MTERF1: variants seen among roughly 807,000 people sequenced by gnomAD.
The protein encoded by MTERF1 is transcription termination factor 1, mitochondrial.
Under a neutral mutation model 31.6 loss-of-function variants are expected in MTERF1, and 29 were observed. The ratio of observed to expected loss-of-function variants is 0.92; its 90% confidence interval spans 0.68 to 1.25. MTERF1 has a LOEUF of 1.25. Ranked by LOEUF, MTERF1 falls within the 50% of genes most tolerant of loss-of-function variation. MTERF1 has a pLI of 0.00. For synonymous variants in MTERF1, 152 were observed against 164.1 expected (o/e 0.93, Z 0.57); for missense variants, 500 against 469.1 (o/e 1.07, Z -0.61).
chr7:91,875,135 C>A (rs531563230), intron 2 of MTERF1, among the ~76,000 whole-genome samples: 10 of 152,186 alleles, frequency 6.6e-5, no homozygotes, highest in African/African-American at 2.4e-4. Context: ...AGGTGGGGCA[C>A]CATTAGTGCC....
rs939732032 is a variant in MTERF1, at chr7:91,871,073, G to C, written c.*2521C>G. 1 of 151,746 alleles carries C rather than the reference G, an allele frequency of 6.6e-6. No individual in the cohort carries two copies. Among genetic ancestry groups the C allele is most frequent in the African/African-American group, 2.4e-5 (1 of 41,274 alleles). The allele number at this position is 151,746 out of a possible 1,614,324, so 9.4% of individuals were successfully genotyped here. ...GGCGTGAGCTGGGATTACATGGCTG[G>C]CCAATATTTCTATAATTCTATCTTT... On this transcript the variant is annotated 3_prime_UTR_variant, in exon 3 of 3. Transcript: ENST00000351870.
At chr7:91,875,639 T>C (rs888677631) in intron 2 of MTERF1, among the ~76,000 whole-genome samples, 1 of 152,180 alleles carries the variant, frequency 6.6e-6, no homozygotes. Flanking sequence ...CCATAGATAC[T>C]AGATTTCTTT....
chr7:91,880,147 A>C, intron 1 of MTERF1, 34 bp from the exon 2 acceptor site: 5 of 1,574,688 alleles, frequency 3.2e-6, no homozygotes, highest in Non-Finnish European at 4.3e-6. Flanking sequence ...AAAAAAGGCA[A>C]AATATTTCAG....
In MTERF1 at chr7:91,874,671, C is replaced by T. The variant is rs199551651; in HGVS notation, c.123G>A (p.Met41Ile). Residue 41 changes from methionine to isoleucine, a missense_variant, in exon 3 of 3, where the codon ATG (methionine) becomes ATA (isoleucine). Met to Ile is a conservative substitution (Grantham distance 10). Transcript: ENST00000351870. ...NNFLFGSRCW[M>I]TRFSAENIFK... The stretch of plus-strand genomic sequence containing the variant: ...AGATGTTTTCTGCTGAAAATCGAGT[C>T]ATCCAACATCTTGAACCAAAGAGAA... The T allele has an allele frequency of 1.5e-5, 24 of 1,614,086 alleles. No individual in the cohort carries two copies. In the East Asian group the frequency reaches 5.3e-4, roughly 36 times the overall value.
At chr7:91,877,073 A>AT (rs1491224226) in intron 2 of MTERF1, 1 of 250,266 alleles carries the variant, frequency 4.0e-6, no homozygotes, top group East Asian at 1.8e-4. Flanking sequence ...TTCTTTCTAC[A>AT]TATGTTTTAT....
chr7:91,873,433 T>TA lies in MTERF1; in HGVS notation c.*160dup, dbSNP rs896850263. 3.8e-5 allele frequency: 25 copies of TA among 655,528 alleles called. No individual in the cohort carries two copies. The highest frequency in any genetic ancestry group is 9.7e-5 in the Admixed American group (3 of 30,780). 40.6% of individuals were successfully genotyped at this position (655,528 alleles called of 1,614,324 possible). The stretch of plus-strand genomic sequence containing the variant: ...CTCTTTTGCCTCCCTCTTCAACTTT[T>TA]AAAGATCCCTACAATTATATTAGGC... On this transcript the variant is annotated 3_prime_UTR_variant, in exon 3 of 3. Transcript: ENST00000351870.
chr7:91,877,627 T>G (rs1309921207), intron 2 of MTERF1, among the ~76,000 whole-genome samples: 1 of 152,234 alleles, frequency 6.6e-6, no homozygotes, highest in Non-Finnish European at 1.5e-5. Flanking sequence ...AAATCCAACC[T>G]CGCTACTCTT....
At chr7:91,875,895 A>G (rs182972507) in intron 2 of MTERF1, among the ~76,000 whole-genome samples, 1 of 152,302 alleles carries the variant, frequency 6.6e-6, no homozygotes, top group East Asian at 1.9e-4. Flanking sequence ...ACCAATTTTC[A>G]TCTTCAAAAT....
At position 91,873,535 on chromosome 7, in the gene MTERF1, T is replaced by G. The variant is rs567256116; in HGVS notation, c.*59A>C. The stretch of plus-strand genomic sequence containing the variant: ...TTTAAATTAATCACTTCTGCAAAAT[T>G]CTTTTGCAATGTGGCATAACATATT... On this transcript the variant is annotated 3_prime_UTR_variant, in exon 3 of 3. Transcript: ENST00000351870. The G allele has an allele frequency of 4.2e-5, 59 of 1,393,238 alleles. 1 individual carries two copies. The South Asian group carries it at 8.3e-4, about 20-fold the overall frequency. 86.3% of individuals were successfully genotyped at this position (1,393,238 alleles called of 1,614,324 possible).
Position 91,874,335 on chromosome 7 carries a change from G to T in MTERF1, c.459C>A (p.Asp153Glu), listed in dbSNP as rs751113049. ...WDLWRKIVTS[D>E]LEIVNILERS... ...GTTCCAAAATATTTACAATTTCAAG[G>T]TCTGATGTCACAATCTTTCTCCACA... The change falls in exon 3 of 3, where the codon GAC (aspartate) becomes GAA (glutamate). Residue 153 changes from aspartate (D) to glutamate (E), a missense_variant. Asp to Glu is a conservative substitution (Grantham distance 45). Transcript: ENST00000351870. 1 of 1,614,070 alleles carries T rather than the reference G, an allele frequency of 6.2e-7. No individual in the cohort carries two copies. Among genetic ancestry groups the T allele is most frequent in the South Asian group, 1.1e-5 (1 of 91,076 alleles).
At position 91,874,225 on chromosome 7, in the gene MTERF1, C is replaced by T. The variant is rs758097628; in HGVS notation, c.569G>A (p.Arg190His). 1.2e-5 allele frequency: 20 copies of T among 1,614,120 alleles called. No homozygotes were observed. The highest frequency in any genetic ancestry group is 8.9e-5 in the East Asian group (4 of 44,882). ...GGTCAACAATCGACAAAGGCATTTA[C>T]GGGTCAATCCAACTGAGTAGAGGAA... Reference protein sequence around the residue: ...IKFLYSVGLTRKCLCRLLTNA... With the variant: ...IKFLYSVGLTHKCLCRLLTNA... The change falls in exon 3 of 3, where the codon CGT (arginine) becomes CAT (histidine). Residue 190 changes from arginine to histidine, a missense_variant. Arg to His is a conservative substitution (Grantham distance 29, BLOSUM62 0). Transcript: ENST00000351870.
intron 2 of MTERF1, among the ~76,000 whole-genome samples, chr7:91,875,858 C>T (rs1789333558): frequency 6.6e-6 from 1 of 152,188 alleles, no homozygotes. Context: ...CCCTATCATT[C>T]CCTACGTTGT....
Position 91,871,449 on chromosome 7 carries a change from A to AATCAATACTTT in MTERF1, c.*2134_*2144dup, listed in dbSNP as rs1789184069. The AATCAATACTTT allele has an allele frequency of 6.6e-6, 1 of 152,238 alleles. No homozygotes were observed. The highest frequency in any genetic ancestry group is 2.4e-5 in the African/African-American group (1 of 41,462). The allele number at this position is 152,238 out of a possible 1,614,324, so 9.4% of individuals were successfully genotyped here. ...CGCGTACAATTCAGAAGACTTAAGAAATCAATACTTTAAGCCATAACAGTA... is the reference window on the plus strand; with the variant it reads ...CGCGTACAATTCAGAAGACTTAAGAAATCAATACTTTATCAATACTTTAAGCCATAACAGTA... On this transcript the variant is annotated 3_prime_UTR_variant, in exon 3 of 3. Coordinates refer to ENST00000351870, the MANE Select transcript of MTERF1 (RefSeq NM_006980.5).
In MTERF1 at chr7:91,871,123, T is replaced by C. The variant is rs1028802681; in HGVS notation, c.*2471A>G. ...TAAAAAAAAAGAATTGACTCTCCCT[T>C]GATCAGACTCAAACCTTAAAGTATG... is the stretch of plus-strand genomic sequence containing the variant. On this transcript the variant is annotated 3_prime_UTR_variant, in exon 3 of 3. Transcript: ENST00000351870. 4.6e-5 allele frequency: 7 copies of C among 152,148 alleles called. No homozygotes were observed. Among genetic ancestry groups the C allele is most frequent in the African/African-American group, 1.7e-4 (7 of 41,438 alleles). The allele number at this position is 152,148 out of a possible 1,614,324, so 9.4% of individuals were successfully genotyped here. A position where few individuals can be genotyped will look rare whatever the true frequency, so the allele number is the denominator to read the frequency against.
At chr7:91,879,418 G>A (rs920820671) in intron 2 of MTERF1, among the ~76,000 whole-genome samples, 3 of 151,934 alleles carry the variant, frequency 2.0e-5, no homozygotes, top group Non-Finnish European at 2.9e-5. Flanking sequence ...TATACAGAGG[G>A]GGAAAGTGGA....
At chr7:91,878,255 A>C (rs1383312737) in intron 2 of MTERF1, among the ~76,000 whole-genome samples, 1 of 152,212 alleles carries the variant, frequency 6.6e-6, no homozygotes, top group African/African-American at 2.4e-5. Context: ...CAATAAATTT[A>C]CTCTAAAAAT....
At position 91,880,042 on chromosome 7, in the gene MTERF1, A is replaced by G; in HGVS notation, c.29+13T>C. 1 of 1,613,942 alleles carries G rather than the reference A, an allele frequency of 6.2e-7. No individual in the cohort carries two copies. The highest frequency in any genetic ancestry group is 1.1e-5 in the South Asian group (1 of 91,042). On this transcript the variant is annotated intron_variant, in intron 2 of 2. Transcript: ENST00000351870. ...GCAAGCTAAGTTTGGAGATCTTTAC[A>G]TGCATTTCTCACCTTGTTTGTCCTA... is the stretch of plus-strand genomic sequence containing the variant.
rs571237478 is a variant in MTERF1, at chr7:91,872,646, A to C, written c.*948T>G. 2 of 152,348 alleles carry C rather than the reference A, an allele frequency of 1.3e-5. No individual in the cohort carries two copies. The highest frequency in any genetic ancestry group is 4.8e-5 in the African/African-American group (2 of 41,586). The allele number at this position is 152,348 out of a possible 1,614,324, so 9.4% of individuals were successfully genotyped here. Reference sequence around the variant, plus strand: ...GCAAATGAGGTTTAAAAGGTTGAGCACCATTATGTTATTTAATTCAAAAAC... The same window carrying C: ...GCAAATGAGGTTTAAAAGGTTGAGCCCCATTATGTTATTTAATTCAAAAAC... On this transcript the variant is annotated 3_prime_UTR_variant, in exon 3 of 3. Transcript: ENST00000351870.
intron 2 of MTERF1, among the ~76,000 whole-genome samples, chr7:91,875,486 C>T (rs746509895): frequency 6.6e-6 from 1 of 152,034 alleles, no homozygotes; most frequent in Non-Finnish European, 1.5e-5. Context: ...AACTCCTGGG[C>T]TCAAGTGATC....
Sources: allele counts gnomAD v4.1 joint callset (sites outside exome capture counted in the v4.1 genomes callset), GRCh38; gene constraint gnomAD v4.1.1; transcripts MANE v1.5; gene names NCBI Gene and HGNC (gene_info 2026-07-23, HGNC 2026-07-21).